IQANK1: variants seen among roughly 807,000 people sequenced by gnomAD.
IQANK1 encodes IQ motif and ankyrin repeat containing 1, also known as IQ motif and ankyrin repeat domain-containing protein 1.
Under a neutral mutation model 22.6 loss-of-function variants are expected in IQANK1, and 30 were observed. The ratio of observed to expected loss-of-function variants is 1.33; its 90% CI spans 0.99 to 1.80. The LOEUF (loss-of-function observed/expected upper bound fraction) is 1.80. Ranked by LOEUF, IQANK1 falls within the 40% of genes most tolerant of loss-of-function variation. The probability of loss-of-function intolerance (pLI) is 0.00; values close to 1 mark genes in which losing one functional copy is unlikely to be tolerated. For missense variants in IQANK1, 275 were observed against 235.2 expected, an observed-to-expected ratio of 1.17 and a Z score of -1.11; for synonymous variants, 122 against 99.6, an observed-to-expected ratio of 1.23 and a Z score of -1.34.
intron 3 of IQANK1, among the ~76,000 whole-genome samples, chr8:143,747,119 T>C (rs1554627294): frequency 6.6e-6 from 1 of 152,214 alleles, no homozygotes; most frequent in Non-Finnish European, 1.5e-5. Flanking sequence ...GACCTCGTGA[T>C]CCACCCGCCT....
At chr8:143,759,763 A>G (rs1443193716) in intron 3 of IQANK1, 2 of 152,210 alleles carry the variant, frequency 1.3e-5, no homozygotes, top group African/African-American at 4.8e-5. Context: ...GGGTAGCACT[A>G]ACCTTGGCAT....
chr8:143,746,921 C>T (rs1819043054), intron 3 of IQANK1, among the ~76,000 whole-genome samples: 1 of 151,456 alleles, frequency 6.6e-6, no homozygotes, highest in Non-Finnish European at 1.5e-5. Context: ...GCTCTGTTGC[C>T]CAGGCTGGAG....
In IQANK1 at chr8:143,779,899, C is replaced by T. The variant is rs56934170; in HGVS notation, c.789+7417C>T. Among the ~76,000 whole-genome samples, 285 of 152,256 alleles carry T rather than the reference C, an allele frequency of 1.9e-3. 2 individuals carry two copies. Among genetic ancestry groups the T allele is most frequent in the African/African-American group, 6.7e-3 (277 of 41,556 alleles). ...TAAGTTACAAAATCATTGCCTCATT[C>T]GTATGTCTGTTCACTCTTCCATCCT... On this transcript the variant is annotated intron_variant, in intron 7 of 13. Transcript: ENST00000527139.
chr8:143,768,259 G>A (rs1256766895), intron 3 of IQANK1, among the ~76,000 whole-genome samples: 1 of 151,930 alleles, frequency 6.6e-6, no homozygotes, highest in African/African-American at 2.4e-5. Context: ...CATGTCATGG[G>A]GCTTACGGTG....
At chr8:143,770,072 A>G (rs1261659084) in intron 3 of IQANK1, among the ~76,000 whole-genome samples, 3 of 152,212 alleles carry the variant, frequency 2.0e-5, no homozygotes, top group African/African-American at 7.2e-5. Flanking sequence ...ACTGTGCTGC[A>G]TCCTGGGTGA....
intron 3 of IQANK1, among the ~76,000 whole-genome samples, chr8:143,765,795 G>A (rs1374338056): frequency 6.6e-6 from 1 of 152,186 alleles, no homozygotes; most frequent in African/African-American, 2.4e-5. Context: ...TGTGGTTCAT[G>A]TTCATGGCTG....
rs1554630117 is a variant in IQANK1 at position 143,774,327 on chromosome 8, A to C, written c.789+1845A>C. ...CTGGCAAGGCACGTGTACCTAGAAC[A>C]TAGAAAAAACTCACATCGCAAACAA... On this transcript the variant is annotated intron_variant, in intron 7 of 13. Coordinates refer to ENST00000527139, the MANE Select transcript of IQANK1 (RefSeq NM_001381874.1). This position sits in a 1 kb window ranked among gnomAD's most constrained non-coding sequence, Gnocchi z 4.2. 6.6e-6 allele frequency among the ~76,000 whole-genome samples: 1 copy of C among 152,258 alleles called. No individual in the cohort carries two copies. The highest frequency in any genetic ancestry group is 1.5e-5 in the Non-Finnish European group (1 of 68,046).
chr8:143,776,277 C>T (rs1209832533), intron 7 of IQANK1, among the ~76,000 whole-genome samples: 26 of 141,296 alleles, frequency 1.8e-4, no homozygotes, highest in South Asian at 2.3e-4. Context: ...GCTGAGATGG[C>T]GCCACTGCAG....
intron 3 of IQANK1, among the ~76,000 whole-genome samples, chr8:143,741,134 C>T (rs1332477812): frequency 2.0e-5 from 3 of 152,208 alleles, no homozygotes; most frequent in Non-Finnish European, 4.4e-5. Context: ...CAAGAGGCCG[C>T]TCTTCTGCTC....
chr8:143,745,242 A>G (rs1235620967), intron 3 of IQANK1: 5 of 152,198 alleles, frequency 3.3e-5, no homozygotes, highest in African/African-American at 9.7e-5. Context: ...GCAGAGCCTG[A>G]CGTGTCTCTG....
intron 7 of IQANK1, among the ~76,000 whole-genome samples, chr8:143,782,544 A>G (rs1266600194): frequency 6.6e-6 from 1 of 151,826 alleles, no homozygotes; most frequent in Non-Finnish European, 1.5e-5. Flanking sequence ...GCAACGGCAC[A>G]ATCTTGGCTC....
chr8:143,737,484 T>G (rs920478458), intron 2 of IQANK1, among the ~76,000 whole-genome samples: 1 of 152,210 alleles, frequency 6.6e-6, no homozygotes, highest in Non-Finnish European at 1.5e-5. Flanking sequence ...GTGCCCTGTG[T>G]GGCGGGCACC....
chr8:143,757,422 C>T (rs190862909), intron 3 of IQANK1, among the ~76,000 whole-genome samples: 4 of 151,864 alleles, frequency 2.6e-5, no homozygotes, highest in Admixed American at 1.3e-4. Flanking sequence ...CTGCAAGCTC[C>T]GCCTCCCGGG....
chr8:143,751,191 C>T (rs1433023276), intron 3 of IQANK1, among the ~76,000 whole-genome samples: 1 of 152,156 alleles, frequency 6.6e-6, no homozygotes, highest in Non-Finnish European at 1.5e-5. Context: ...CATCTTTATA[C>T]ATTGTGTACT....
intron 3 of IQANK1, among the ~76,000 whole-genome samples, chr8:143,765,516 T>C (rs1819468550): frequency 6.6e-6 from 1 of 152,230 alleles, no homozygotes. Flanking sequence ...AAAGGTTTAT[T>C]AGCCAATCCA....
rs976525491 is a variant in IQANK1, at chr8:143,776,851, A to G, written c.789+4369A>G. ...GGCTTCTGAGAAGCGTGAAGGAAGC[A>G]GTGCCTACTCCCGTCAGCCAGGGTG... On this transcript the variant is annotated intron_variant, in intron 7 of 13. Transcript: ENST00000527139. Among the ~76,000 whole-genome samples, 5 of 152,164 alleles carry G rather than the reference A, an allele frequency of 3.3e-5. No homozygotes were observed. In the East Asian group the frequency reaches 7.7e-4, roughly 23 times the overall value.
At chr8:143,775,079 C>T (rs868995039) in intron 7 of IQANK1, among the ~76,000 whole-genome samples, 17 of 152,066 alleles carry the variant, frequency 1.1e-4, no homozygotes, top group Non-Finnish European at 7.4e-5. Flanking sequence ...ATGGTCGTAA[C>T]GCAAAACTGC....
In IQANK1 at chr8:143,772,057, G is replaced by A. The variant is rs1819586192; in HGVS notation, c.477G>A (p.Glu159=). The change falls in exon 6 of 14, where the codon GAG becomes GAA. Residue 159 remains glutamate (E), a synonymous_variant. Coordinates refer to ENST00000527139, the MANE Select transcript of IQANK1 (RefSeq NM_001381874.1). ...GEIRAVLKEV[E]QLLTREGVGH... ...GACCGCGGCGAGCTGCGCAGGTGGA[G>A]CAGCTGCTGACGCGCGAGGGCGTGG... 5.0e-6 allele frequency: 2 copies of A among 396,392 alleles called. No individual in the cohort carries two copies. The highest frequency in any genetic ancestry group is 3.6e-5 in the East Asian group (1 of 27,944). The allele number at this position is 396,392 out of a possible 1,614,324, so 24.6% of individuals were successfully genotyped here.
rs142000959 is a variant in IQANK1 at position 143,789,968 on chromosome 8, CAG to C, written c.1196-2_1196-1del. 62 of 1,232,036 alleles carry C rather than the reference CAG, an allele frequency of 5.0e-5. No homozygotes were observed. Among genetic ancestry groups the C allele is most frequent in the East Asian group, 4.1e-4 (13 of 31,710 alleles). The allele number at this position is 1,232,036 out of a possible 1,614,324, so 76.3% of individuals were successfully genotyped here. A position where few individuals can be genotyped will look rare whatever the true frequency, so the allele number is the denominator to read the frequency against. On this transcript the variant is annotated splice_acceptor_variant, in intron 11 of 13. Coordinates refer to ENST00000527139, the MANE Select transcript of IQANK1 (RefSeq NM_001381874.1). LOFTEE classifies it high-confidence loss of function. ...TGTCAGCTGCACTCTGCTACCCCGA[CAG>C]GGGAGGAAGAGGCGCCTGGGCTGAA...
Sources: allele counts gnomAD v4.1 joint callset (sites outside exome capture counted in the v4.1 genomes callset), GRCh38; gene constraint gnomAD v4.1.1; non-coding constraint Gnocchi (gnomAD v3.1); transcripts MANE v1.5; gene names NCBI Gene and HGNC (gene_info 2026-07-23, HGNC 2026-07-21).